FOCAD: variants seen among roughly 807,000 people sequenced by gnomAD.
FOCAD encodes the protein KIAA1797.
In FOCAD, 198 loss-of-function variants were observed where a neutral mutation model predicts 225.6. The observed-to-expected ratio is 0.88, with a 90% CI of 0.78 to 0.99. FOCAD has a LOEUF of 0.99. Among genes scored for constraint, FOCAD ranks in the 50% least tolerant of loss-of-function variants. The pLI, the probability that FOCAD is intolerant of heterozygous loss-of-function variation, is 0.00. For synonymous variants in FOCAD, 897 were observed against 755.0 expected, an observed-to-expected ratio of 1.19 and a Z score of -3.08; for missense variants, 2,713 against 2,123.6, an observed-to-expected ratio of 1.28 and a Z score of -5.46.
chr9:20,657,018 G>A (rs200946574), upstream of FOCAD, among the ~76,000 whole-genome samples: 5 of 152,026 alleles, frequency 3.3e-5, no homozygotes, highest in Admixed American at 6.6e-5. Context: ...AAAGTATTTT[G>A]TTTCTCCTTC....
In FOCAD at chr9:20,717,870, T is replaced by G. The variant is rs747532773; in HGVS notation, c.132+2T>G. 3 of 1,610,740 alleles carry G rather than the reference T, an allele frequency of 1.9e-6. No individual in the cohort carries two copies. The highest frequency in any genetic ancestry group is 2.5e-6 in the Non-Finnish European group (3 of 1,177,942). On this transcript the variant is annotated splice_donor_variant, in intron 3 of 43. Transcript: ENST00000338382. LOFTEE classifies it high-confidence loss of function. ...AAGATTCACCAATCTACAAATCAGG[T>G]CTGTGTTTAACTTTATGCTTTAATT... is the stretch of plus-strand genomic sequence containing the variant.
At chr9:20,713,345 C>G (rs1054663579) in intron 1 of FOCAD, among the ~76,000 whole-genome samples, 3 of 152,142 alleles carry the variant, frequency 2.0e-5, no homozygotes, top group African/African-American at 7.2e-5. Context: ...AGGGCTTTTT[C>G]CTGTGCCTGT....
intron 35 of FOCAD, among the ~76,000 whole-genome samples, chr9:20,967,943 G>A (rs1839412361): frequency 6.6e-6 from 1 of 151,998 alleles, no homozygotes; most frequent in African/African-American, 2.4e-5. Context: ...TTTTTATGAT[G>A]TCTATGATAT....
chr9:20,809,434 A>G (rs1168436322), intron 11 of FOCAD, among the ~76,000 whole-genome samples: 1 of 152,186 alleles, frequency 6.6e-6, no homozygotes, highest in Non-Finnish European at 1.5e-5. Flanking sequence ...AATTTAAATT[A>G]ATCAAATTGA....
At chr9:20,845,120 A>C (rs986810245) in intron 15 of FOCAD, among the ~76,000 whole-genome samples, 1 of 152,020 alleles carries the variant, frequency 6.6e-6, no homozygotes, top group Non-Finnish European at 1.5e-5. Flanking sequence ...GGAAATGTCT[A>C]ATTTCACAAT....
At chr9:20,788,175 G>A (rs1820132300) in intron 10 of FOCAD, among the ~76,000 whole-genome samples, 1 of 152,172 alleles carries the variant, frequency 6.6e-6, no homozygotes, top group Non-Finnish European at 1.5e-5. Flanking sequence ...CAACATGGAT[G>A]AACCTTGAAA....
At position 20,789,356 on chromosome 9, in the gene FOCAD, C is replaced by T. The variant is rs1192445479; in HGVS notation, c.1203C>T (p.Ser401=). The change falls in exon 11 of 44, where the codon TCC becomes TCT. Residue 401 remains serine (S), a synonymous_variant. Coordinates refer to ENST00000338382, the MANE Select transcript of FOCAD (RefSeq NM_001375567.1). ...ECYRDDHQKL[S]YKLVCPVTSM... is the part of the protein sequence containing the mutation. Reference sequence around the variant, plus strand: ...CTCTTGTCTTTATTTTTCAGCTCTCCTACAAGCTTGTGTGCCCTGTAACCA... The same window carrying T: ...CTCTTGTCTTTATTTTTCAGCTCTCTTACAAGCTTGTGTGCCCTGTAACCA... 1 of 1,610,438 alleles carries T rather than the reference C, an allele frequency of 6.2e-7. No homozygotes were observed. The highest frequency in any genetic ancestry group is 8.5e-7 in the Non-Finnish European group (1 of 1,176,902).
At chr9:20,828,661 G>A (rs1825165321) in intron 15 of FOCAD, among the ~76,000 whole-genome samples, 1 of 152,062 alleles carries the variant, frequency 6.6e-6, no homozygotes, top group African/African-American at 2.4e-5. Context: ...TGGGGTACAT[G>A]TGCAGGATAT....
At chr9:20,707,441 C>A (rs1439963846) in intron 1 of FOCAD, among the ~76,000 whole-genome samples, 1 of 152,126 alleles carries the variant, frequency 6.6e-6, no homozygotes, top group African/African-American at 2.4e-5. Flanking sequence ...GGTGCCAATC[C>A]CTCATGCAGT....
intron 4 of FOCAD, among the ~76,000 whole-genome samples, chr9:20,723,498 G>A (rs1825953186): frequency 6.6e-6 from 1 of 152,196 alleles, no homozygotes; most frequent in Non-Finnish European, 1.5e-5. Context: ...GGTCTCAAAA[G>A]AGAAAAGTAG....
chr9:20,976,381 T>G (rs774071678), intron 35 of FOCAD, 39 bp from the exon 36 acceptor site: 66 of 1,597,582 alleles, frequency 4.1e-5, no homozygotes, highest in Non-Finnish European at 5.2e-5. Flanking sequence ...CATGATAGTA[T>G]GCAGGTGTTT....
At chr9:20,787,966 A>G (rs1000748002) in intron 10 of FOCAD, among the ~76,000 whole-genome samples, 4 of 152,178 alleles carry the variant, frequency 2.6e-5, no homozygotes, top group African/African-American at 9.7e-5. Context: ...ATCTACTCTT[A>G]GGTATATACT....
chr9:20,767,357 G>A lies in FOCAD; in HGVS notation c.699+2284G>A, dbSNP rs886808439. Reference sequence around the variant, plus strand: ...ATATACCCAGTAATGGGATAGCTGGGTCAAATGGTATTTCTAGTTCTAGAT... The same window carrying A: ...ATATACCCAGTAATGGGATAGCTGGATCAAATGGTATTTCTAGTTCTAGAT... On this transcript the variant is annotated intron_variant, in intron 7 of 43. Transcript: ENST00000338382. 4.5e-5 allele frequency among the ~76,000 whole-genome samples: 6 copies of A among 134,430 alleles called. 1 individual carries two copies. The highest frequency in any genetic ancestry group is 1.6e-4 in the African/African-American group (6 of 37,154). 88.2% of individuals were successfully genotyped at this position (134,430 alleles called of 152,430 possible). A position where few individuals can be genotyped will look rare whatever the true frequency, so the allele number is the denominator to read the frequency against.
chr9:20,784,223 A>G (rs1287234506), intron 10 of FOCAD, among the ~76,000 whole-genome samples: 1 of 152,204 alleles, frequency 6.6e-6, no homozygotes, highest in African/African-American at 2.4e-5. Context: ...CCTCTGGGAT[A>G]TCCTGTATGT....
In FOCAD at chr9:20,758,094, C is replaced by T. The variant is rs771886193; in HGVS notation, c.397C>T (p.His133Tyr). The T allele has an allele frequency of 1.9e-6, 3 of 1,600,776 alleles. No individual in the cohort carries two copies. The highest frequency in any genetic ancestry group is 2.7e-5 in the African/African-American group (2 of 74,172). Residue 133 changes from histidine (H) to tyrosine (Y), a missense_variant, in exon 6 of 44, where the codon CAT becomes TAT. Coordinates refer to ENST00000338382, the MANE Select transcript of FOCAD (RefSeq NM_001375567.1). The stretch of plus-strand genomic sequence containing the variant: ...GTGACTTTCTGTGTCTTTCAGAAAT[C>T]ATCCTCATCCTTTGATAACTGTGCT... ...NIQSIYTIRN[H>Y]PHPLITVLEH...
chr9:20,929,902 T>A (rs1387075786), intron 27 of FOCAD, among the ~76,000 whole-genome samples: 1 of 152,140 alleles, frequency 6.6e-6, no homozygotes, highest in African/African-American at 2.4e-5. Context: ...AAAGTCAAGT[T>A]ATGGTGCTAT....
chr9:20,890,927 G>A (rs1197328208), intron 21 of FOCAD, among the ~76,000 whole-genome samples: 1 of 152,028 alleles, frequency 6.6e-6, no homozygotes, highest in Non-Finnish European at 1.5e-5. Flanking sequence ...GCACTTTGCA[G>A]ATACTGCATT....
At chr9:20,995,369 A>AC (rs1841979485) in intron 43 of FOCAD, among the ~76,000 whole-genome samples, 187 bp from the exon 44 acceptor site, 1 of 75,368 alleles carries the variant, frequency 1.3e-5, no homozygotes, top group Non-Finnish European at 2.7e-5. Flanking sequence ...TTAAAAAAAA[A>AC]AAAAAAAACA....
At chr9:20,866,839 C>T in intron 17 of FOCAD, 90 bp from the exon 18 acceptor site, 1 of 737,792 alleles carries the variant, frequency 1.4e-6, no homozygotes, top group East Asian at 2.8e-5. Context: ...GGTTTCTTTC[C>T]CCCTCCAGAT....
Sources: gnomAD v4.1 joint callset for allele counts (sites outside exome capture counted in the v4.1 genomes callset) on GRCh38, gnomAD v4.1.1 for gene constraint, MANE v1.5 for transcripts, NCBI Gene and HGNC (gene_info 2026-07-23, HGNC 2026-07-21) for gene names.